DOT1L: variants seen among roughly 807,000 people sequenced by gnomAD.
DOT1L encodes the protein histone-lysine N-methyltransferase, H3 lysine-79 specific.
In DOT1L, 33 loss-of-function variants were observed where a neutral mutation model predicts 153.3. The ratio of observed to expected loss-of-function variants is 0.22; its 90% CI spans 0.16 to 0.29. DOT1L has a LOEUF of 0.29. DOT1L is among the 10% of genes least tolerant of loss of function. The pLI is 1.00. For synonymous variants in DOT1L, 1,135 were observed against 965.1 expected (o/e 1.18, Z -3.26); for missense variants, 1,847 against 2,119.9 (o/e 0.87, Z 2.53).
chr19:2,222,907 G>A lies in DOT1L; in HGVS notation c.3390+348G>A. ...CAAAAAAAAACACAAAAAAAAACAG[G>A]TGGAGGCAGGGGGCCATGACTGAGC... On this transcript the variant is annotated intron_variant, in intron 24 of 27. Transcript: ENST00000398665. The surrounding 1 kb of genome is among the most constrained non-coding windows in gnomAD (Gnocchi z 6.5). 1 of 404,436 alleles carries A rather than the reference G, an allele frequency of 2.5e-6. No individual in the cohort carries two copies. The highest frequency in any genetic ancestry group is 4.4e-6 in the Non-Finnish European group (1 of 226,784). 25.1% of individuals were successfully genotyped at this position (404,436 alleles called of 1,614,324 possible).
In DOT1L at chr19:2,226,544, C is replaced by G. The variant is rs1488282199; in HGVS notation, c.4023C>G (p.Gly1341=). 1 of 1,600,686 alleles carries G rather than the reference C, an allele frequency of 6.2e-7. No homozygotes were observed. The highest frequency in any genetic ancestry group is 2.2e-5 in the East Asian group (1 of 44,850). The stretch of plus-strand genomic sequence containing the variant: ...ATGGTGCTTCTCTTCCCCACAAGGG[C>G]CCCGAGGCGGCCGGCCTGAGCTCCC... ...FSDGASLPHK[G]PEAAGLSSPL... The change falls in exon 27 of 28, where the codon GGC becomes GGG. Residue 1341 remains glycine, a synonymous_variant. Transcript: ENST00000398665.
rs901785323 is a variant in DOT1L, at chr19:2,190,493, A to G, written c.265-519A>G. On this transcript the variant is annotated intron_variant, in intron 4 of 27. Transcript: ENST00000398665. The surrounding 1 kb of genome is among the most constrained non-coding windows in gnomAD (Gnocchi z 4.8). ...CCGGCTCTGGCTTCCCCTCAACCTCATGCATGCAGCTCTGTGGGCCCCTGA... is the reference window on the plus strand; with the variant it reads ...CCGGCTCTGGCTTCCCCTCAACCTCGTGCATGCAGCTCTGTGGGCCCCTGA... Among the ~76,000 whole-genome samples, 5 of 151,956 alleles carry G rather than the reference A, an allele frequency of 3.3e-5. No homozygotes were observed. The highest frequency in any genetic ancestry group is 1.2e-4 in the African/African-American group (5 of 41,354).
In DOT1L at chr19:2,179,915, C is replaced by T. The variant is rs979115110; in HGVS notation, c.82-798C>T. Among the ~76,000 whole-genome samples the T allele has an allele frequency of 7.2e-5, 11 of 152,160 alleles. No individual in the cohort carries two copies. The East Asian group carries it at 9.7e-4, about 13-fold the overall frequency. ...GTGGGTTTATATCAGCACAGTAGCA[C>T]GCAGACGCGACGAAAGTGCACGTGT... On this transcript the variant is annotated intron_variant, in intron 1 of 27. Transcript: ENST00000398665.
intron 23 of DOT1L, chr19:2,221,749 G>T (rs1454664096): frequency 3.7e-6 from 2 of 538,110 alleles, no homozygotes; most frequent in Non-Finnish European, 6.5e-6. Flanking sequence ...CAGGGCACAG[G>T]CAGCCCAGAT....
At position 2,222,775 on chromosome 19, in the gene DOT1L, C is replaced by T; in HGVS notation, c.3390+216C>T. On this transcript the variant is annotated intron_variant, in intron 24 of 27. Coordinates refer to ENST00000398665, the MANE Select transcript of DOT1L (RefSeq NM_032482.3). The surrounding 1 kb of genome is among the most constrained non-coding windows in gnomAD (Gnocchi z 6.5). ...ATTAGCCGGGCGTGGTGGCGGGTGC[C>T]TGGGAGGCTGAGGCAGGAGAATGAT... The T allele has an allele frequency of 1.8e-6, 1 of 555,098 alleles. No homozygotes were observed. Among genetic ancestry groups the T allele is most frequent in the Admixed American group, 3.4e-5 (1 of 29,804 alleles). The allele number at this position is 555,098 out of a possible 1,614,324, so 34.4% of individuals were successfully genotyped here.
intron 27 of DOT1L, chr19:2,227,855 C>T (rs1456716727): frequency 1.6e-6 from 2 of 1,283,922 alleles, no homozygotes; most frequent in Non-Finnish European, 1.0e-6. Context: ...CGGCGGCCAG[C>T]GCCTCGGCCT....
Position 2,191,345 on chromosome 19 carries a change from T to G in DOT1L, c.493+105T>G. ...AGAGTTTATCAGGGACTTGCGACGT[T>G]GGCGTGGACAGTGCTTCCTTCTCCC... On this transcript the variant is annotated intron_variant, in intron 5 of 27. Transcript: ENST00000398665. This position sits in a 1 kb window ranked among gnomAD's most constrained non-coding sequence, Gnocchi z 6.8. 1.7e-6 allele frequency: 2 copies of G among 1,197,206 alleles called. No homozygotes were observed. Among genetic ancestry groups the G allele is most frequent in the Non-Finnish European group, 2.4e-6 (2 of 827,262 alleles). The allele number at this position is 1,197,206 out of a possible 1,614,324, so 74.2% of individuals were successfully genotyped here.
chr19:2,175,650 G>C (rs535892342), intron 1 of DOT1L, among the ~76,000 whole-genome samples: 1 of 152,254 alleles, frequency 6.6e-6, no homozygotes, highest in South Asian at 2.1e-4. Flanking sequence ...CCAACGTGAT[G>C]AAACCCCATC....
rs1162541537 is a variant in DOT1L, at chr19:2,216,971, G to A, written c.2425G>A (p.Glu809Lys). ...TCATTCCAGAGCTGAGCACACCAAG[G>A]AGAACGGCCTTCCCTACCAGAGCCC... ...ELHSRAEHTK[E>K]NGLPYQSPSV... Residue 809 changes from glutamate to lysine, a missense_variant, in exon 21 of 28, where the codon GAG becomes AAG. This residue lies in a region of DOT1L where 281 missense variants were observed against 263.6 expected (regional missense o/e 1.07). Coordinates refer to ENST00000398665, the MANE Select transcript of DOT1L (RefSeq NM_032482.3). 6.2e-7 allele frequency: 1 copy of A among 1,612,776 alleles called. No individual in the cohort carries two copies. The highest frequency in any genetic ancestry group is 8.5e-7 in the Non-Finnish European group (1 of 1,179,600).
At chr19:2,213,665 G>A in intron 17 of DOT1L, 25 bp downstream of exon 17, 4 of 1,612,564 alleles carry the variant, frequency 2.5e-6, no homozygotes, top group Non-Finnish European at 3.4e-6. Context: ...AGGGCAGGTG[G>A]CAGGTGGCAG....
In DOT1L at chr19:2,177,724, C is replaced by T. The variant is rs74906707; in HGVS notation, c.82-2989C>T. On this transcript the variant is annotated intron_variant, in intron 1 of 27. Transcript: ENST00000398665. ...GCCAACCCTCGCCAGCCCTGCTCTC[C>T]GCTCTGCCCAGCCCCGGCTCTTGCC... Among the ~76,000 whole-genome samples the T allele has an allele frequency of 9.7e-3, 1,481 of 152,172 alleles. 25 individuals are homozygous for T. The highest frequency in any genetic ancestry group is 0.033 in the African/African-American group (1,386 of 41,520).
At chr19:2,181,061 A>G (rs1397002584) in intron 2 of DOT1L, among the ~76,000 whole-genome samples, 3 of 152,062 alleles carry the variant, frequency 2.0e-5, no homozygotes, top group Non-Finnish European at 4.4e-5. Flanking sequence ...CTTCACCCTC[A>G]CGCGCCCTCG....
chr19:2,172,479 G>A (rs1278605907), intron 1 of DOT1L, among the ~76,000 whole-genome samples: 5 of 150,556 alleles, frequency 3.3e-5, no homozygotes, highest in Non-Finnish European at 5.9e-5. Context: ...GTGAGCCACC[G>A]TGCCCGGCCA....
chr19:2,222,323 G>T lies in DOT1L; in HGVS notation c.3154G>T (p.Gly1052Cys). The change falls in exon 24 of 28, where the codon GGT becomes TGT. Residue 1052 changes from glycine to cysteine, a missense_variant. Physicochemically the swap from Gly to Cys is radical, Grantham distance 159 (BLOSUM62 -3). Coordinates refer to ENST00000398665, the MANE Select transcript of DOT1L (RefSeq NM_032482.3). The surrounding 1 kb of genome is among the most constrained non-coding windows in gnomAD (Gnocchi z 6.5). Reference sequence around the variant, plus strand: ...GAGGATTGTGTTCACCATCACCACTGGTGCGGGCAGTGCCAAGCAGTCGCC... The same window carrying T: ...GAGGATTGTGTTCACCATCACCACTTGTGCGGGCAGTGCCAAGCAGTCGCC... Reference protein sequence around the residue: ...KRRIVFTITTGAGSAKQSPSS... With the variant: ...KRRIVFTITTCAGSAKQSPSS... The T allele has an allele frequency of 6.2e-7, 1 of 1,612,952 alleles. No homozygotes were observed.
intron 27 of DOT1L, chr19:2,227,990 CCCCCCTCCACCTAACGCCGCCTTG>C (rs1568375461): frequency 7.8e-7 from 1 of 1,281,078 alleles, no homozygotes; most frequent in Non-Finnish European, 1.0e-6. Flanking sequence ...TCCTCCACGC[CCCCCCTCCACCTAACGCCGCCTTG>C]CCTCCTCCCC....
Position 2,222,638 on chromosome 19 carries a change from C to T in DOT1L, c.3390+79C>T, listed in dbSNP as rs1418374519. The T allele has an allele frequency of 1.3e-5, 17 of 1,357,592 alleles. No individual in the cohort carries two copies. Among genetic ancestry groups the T allele is most frequent in the Middle Eastern group, 2.1e-4 (1 of 4,820 alleles). 84.1% of individuals were successfully genotyped at this position (1,357,592 alleles called of 1,614,324 possible). The stretch of plus-strand genomic sequence containing the variant: ...GAGGGAGACCGGGCGCGGTGGCTCA[C>T]GCCTGTAATCCCAGCATTTTGGGAG... On this transcript the variant is annotated intron_variant, in intron 24 of 27. Coordinates refer to ENST00000398665, the MANE Select transcript of DOT1L (RefSeq NM_032482.3). The surrounding 1 kb of genome is among the most constrained non-coding windows in gnomAD (Gnocchi z 6.5).
rs1414070907 is a variant in DOT1L, at chr19:2,231,238, CCTT to C, written c.*1449_*1451del. ...GGCTGTGTGGCACTTGCTGAGCCCA[CCTT>C]CTCAAGTGCTTGCTCCTGTGAGATG... On this transcript the variant is annotated 3_prime_UTR_variant, in exon 28 of 28. Coordinates refer to ENST00000398665, the MANE Select transcript of DOT1L (RefSeq NM_032482.3). 35 of 227,858 alleles carry C rather than the reference CCTT, an allele frequency of 1.5e-4. No homozygotes were observed. In the East Asian group the frequency reaches 2.2e-3, roughly 14 times the overall value. The allele number at this position is 227,858 out of a possible 1,614,324, so 14.1% of individuals were successfully genotyped here.
Position 2,210,868 on chromosome 19 carries a change from C to G in DOT1L, c.1351+13C>G. The G allele has an allele frequency of 2.5e-6, 4 of 1,610,598 alleles. No homozygotes were observed. The highest frequency in any genetic ancestry group is 2.2e-5 in the East Asian group (1 of 44,712). On this transcript the variant is annotated intron_variant, in intron 14 of 27. Transcript: ENST00000398665. ...TCCTCACCCCAGGGTGAGCCGCCCC[C>G]ACGCCACGGCCCCCGCTCTCCCCGA... is the stretch of plus-strand genomic sequence containing the variant.
In DOT1L at chr19:2,180,637, G is replaced by A. The variant is rs376612788; in HGVS notation, c.82-76G>A. The A allele has an allele frequency of 8.9e-6, 14 of 1,569,810 alleles. 1 individual carries two copies. Among genetic ancestry groups the A allele is most frequent in the Middle Eastern group, 1.7e-4 (1 of 6,012 alleles). Reference sequence around the variant, plus strand: ...GAAGAGATGGGAAGTTGACGGCATCGCTTGTCCGGGAAGAGAGCGATGGGC... The same window carrying A: ...GAAGAGATGGGAAGTTGACGGCATCACTTGTCCGGGAAGAGAGCGATGGGC... On this transcript the variant is annotated intron_variant, in intron 1 of 27. Coordinates refer to ENST00000398665, the MANE Select transcript of DOT1L (RefSeq NM_032482.3).
Sources: allele counts gnomAD v4.1 joint callset (sites outside exome capture counted in the v4.1 genomes callset), GRCh38; gene constraint gnomAD v4.1.1; regional missense constraint gnomAD v4.1.1; non-coding constraint Gnocchi (gnomAD v3.1); transcripts MANE v1.5; gene names NCBI Gene and HGNC (gene_info 2026-07-23, HGNC 2026-07-21).